The following KIF1B variants were observed in gnomAD, a reference collection of about 807,000 sequenced individuals.
KIF1B encodes the protein kinesin family member 1B.
A neutral mutation model predicts 241.9 loss-of-function variants in KIF1B; 76 were observed. The ratio of observed to expected loss-of-function variants is 0.31; its 90% CI spans 0.26 to 0.38. The LOEUF is 0.38. KIF1B is among the 10% of genes least tolerant of loss of function. The pLI, the probability that KIF1B is intolerant of heterozygous loss-of-function variation, is 1.00. For synonymous variants in KIF1B, 750 were observed against 796.7 expected, an observed-to-expected ratio of 0.94 and a Z score of 0.99; for missense variants, 1,622 against 2,271.4, an observed-to-expected ratio of 0.71 and a Z score of 5.81.
chr1:10,220,409 A>AGATAGAT (rs1557644280), intron 1 of KIF1B, among the ~76,000 whole-genome samples: 1,814 of 150,296 alleles, frequency 0.012, 17 homozygotes, highest in Non-Finnish European at 0.017. Context: ...ATAGATAGAT[A>AGATAGAT]GATAGATAGA....
rs138527518 is a variant in KIF1B at position 10,290,079 on chromosome 1, C to G, written c.1435-1003C>G. ...ATCACTTACTTCTCTCTCTCTCTCT[C>G]TGGTATACAGTAACCTCCTTGAGAG... On this transcript the variant is annotated intron_variant, in intron 15 of 48. Transcript: ENST00000676179. Among the ~76,000 whole-genome samples the G allele has an allele frequency of 2.7e-3, 417 of 152,102 alleles. 2 individuals carry two copies. Among genetic ancestry groups the G allele is most frequent in the African/African-American group, 9.2e-3 (380 of 41,488 alleles).
At chr1:10,229,316 CAA>C (rs969605020) in intron 1 of KIF1B, among the ~76,000 whole-genome samples, 1 of 151,640 alleles carries the variant, frequency 6.6e-6, no homozygotes, top group Non-Finnish European at 1.5e-5. Flanking sequence ...ATTTAAAAAA[CAA>C]AAAAATCAGT....
intron 1 of KIF1B, among the ~76,000 whole-genome samples, chr1:10,229,699 A>C (rs1049012949): frequency 1.3e-5 from 2 of 151,458 alleles, no homozygotes; most frequent in African/African-American, 4.9e-5. Flanking sequence ...TACTAAAAAA[A>C]AAATACAAAA....
At chr1:10,336,905 A>G (rs963700029) in intron 29 of KIF1B, among the ~76,000 whole-genome samples, 163 bp downstream of exon 29, 1 of 152,220 alleles carries the variant, frequency 6.6e-6, no homozygotes, top group African/African-American at 2.4e-5. Flanking sequence ...GTAAAGGTGT[A>G]TAGACTCAAT....
intron 34 of KIF1B, among the ~76,000 whole-genome samples, chr1:10,345,226 C>T (rs920272842): frequency 2.0e-5 from 3 of 152,170 alleles, no homozygotes; most frequent in Admixed American, 6.5e-5. Context: ...TTACAGAATC[C>T]TGTATTTATA....
chr1:10,235,862 C>CAA (rs70997211), intron 2 of KIF1B, among the ~76,000 whole-genome samples: 31 of 70,226 alleles, frequency 4.4e-4, no homozygotes, highest in African/African-American at 5.6e-4. Flanking sequence ...AACACTGTCT[C>CAA]AAAAAAAAAA....
At chr1:10,292,332 CA>C (rs1281900590) in intron 17 of KIF1B, 1 of 541,556 alleles carries the variant, frequency 1.8e-6, no homozygotes, top group African/African-American at 1.9e-5. Flanking sequence ...TTACTGTTTA[CA>C]AAAGAAAAAA....
chr1:10,250,818 G>T (rs987035443), intron 2 of KIF1B, among the ~76,000 whole-genome samples: 1 of 151,014 alleles, frequency 6.6e-6, no homozygotes, highest in Non-Finnish European at 1.5e-5. Flanking sequence ...AGACCGTGAC[G>T]CTGTCTGGGG....
chr1:10,328,803 T>C (rs1651815639), intron 27 of KIF1B, among the ~76,000 whole-genome samples: 1 of 152,362 alleles, frequency 6.6e-6, no homozygotes, highest in East Asian at 1.9e-4. Flanking sequence ...TCTGTCACTA[T>C]GACAAGCAAC....
chr1:10,249,214 G>T (rs535943697), intron 2 of KIF1B, among the ~76,000 whole-genome samples: 1 of 152,192 alleles, frequency 6.6e-6, no homozygotes, highest in Non-Finnish European at 1.5e-5. Context: ...CTGTTTTTAT[G>T]TGCATGGTTT....
chr1:10,363,358 G>GA lies in KIF1B; in HGVS notation c.4366+15dup, dbSNP rs1267530953. ...CAGGTAGTCCAGGTAAGCTCTTGTG[G>GA]ATTGAGGAGGTGATAGTTATCTTTG... On this transcript the variant is annotated intron_variant, in intron 41 of 48. Coordinates refer to ENST00000676179, the MANE Select transcript of KIF1B (RefSeq NM_001365951.3). 1 of 1,600,012 alleles carries GA rather than the reference G, an allele frequency of 6.2e-7. No individual in the cohort carries two copies. The highest frequency in any genetic ancestry group is 1.3e-5 in the African/African-American group (1 of 74,576).
intron 10 of KIF1B, among the ~76,000 whole-genome samples, chr1:10,273,934 C>CTTTTTT (rs35845856): frequency 6.9e-5 from 8 of 116,788 alleles, no homozygotes; most frequent in South Asian, 2.8e-4. Context: ...TTAGTAGCTT[C>CTTTTTT]TTTTTTTTTT....
At chr1:10,235,365 AC>A (rs1647037131) in intron 2 of KIF1B, among the ~76,000 whole-genome samples, 1 of 151,500 alleles carries the variant, frequency 6.6e-6, no homozygotes, top group Non-Finnish European at 1.5e-5. Context: ...TGATCCTCCC[AC>A]CTCAGCCTCC....
At chr1:10,352,608 G>GT (rs769771446) in intron 37 of KIF1B, 23 bp from the exon 38 acceptor site, 115 of 1,584,056 alleles carry the variant, frequency 7.3e-5, no homozygotes, top group African/African-American at 3.8e-4. Context: ...TCCGTGCTCT[G>GT]TTTTTTTTAT....
intron 10 of KIF1B, 134 bp downstream of exon 10, chr1:10,273,165 T>TA: frequency 1.6e-6 from 1 of 617,474 alleles, no homozygotes; most frequent in Non-Finnish European, 2.8e-6. Flanking sequence ...CTCTGGAATT[T>TA]AGAGTGGCTG....
chr1:10,305,431 C>G (rs1650781675), intron 22 of KIF1B: 1 of 1,057,146 alleles, frequency 9.5e-7, no homozygotes, highest in Admixed American at 5.4e-5. Flanking sequence ...ACAAAGTGAA[C>G]TATTCACCAA....
intron 22 of KIF1B, chr1:10,308,442 A>G (rs149524751): frequency 0.015 from 15,806 of 1,042,442 alleles, 153 homozygotes; most frequent in Non-Finnish European, 0.017. Context: ...CTTGTTAATA[A>G]ACTGTGGATT....
chr1:10,254,637 G>A (rs1647654969), intron 2 of KIF1B, among the ~76,000 whole-genome samples: 1 of 152,054 alleles, frequency 6.6e-6, no homozygotes, highest in South Asian at 2.1e-4. Context: ...AGCACTTTGG[G>A]AGGCCGAGGC....
chr1:10,261,589 T>G (rs1409263691), intron 4 of KIF1B, among the ~76,000 whole-genome samples: 1 of 152,174 alleles, frequency 6.6e-6, no homozygotes, highest in African/African-American at 2.4e-5. Context: ...TGTTAAAAAC[T>G]TAGGCACACA....
Sources: allele counts gnomAD v4.1 joint callset (sites outside exome capture counted in the v4.1 genomes callset), GRCh38; gene constraint gnomAD v4.1.1; transcripts MANE v1.5; gene names NCBI Gene and HGNC (gene_info 2026-07-23, HGNC 2026-07-21).